NAF1: variants seen among roughly 807,000 people sequenced by gnomAD.
NAF1 encodes nuclear assembly factor 1 ribonucleoprotein.
Under a neutral mutation model 40.6 loss-of-function variants are expected in NAF1, and 11 were observed. That is an observed-to-expected ratio of 0.27 (90% CI 0.17 to 0.45). The LOEUF (loss-of-function observed/expected upper bound fraction) is 0.45, where lower values mean the gene tolerates loss of function less well. Ranked by LOEUF, NAF1 falls within the 20% of genes least tolerant of loss-of-function variation. The pLI, the probability that NAF1 is intolerant of heterozygous loss-of-function variation, is 1.00. For synonymous variants in NAF1, 260 were observed against 228.5 expected (o/e 1.14, Z -1.24); for missense variants, 607 against 611.1 (o/e 0.99, Z 0.07).
chr4:163,160,947 G>T (rs1200089330), intron 2 of NAF1, among the ~76,000 whole-genome samples: 1 of 147,202 alleles, frequency 6.8e-6, no homozygotes, highest in Admixed American at 6.9e-5. Flanking sequence ...GAACAAAATG[G>T]CACATACCAC....
At chr4:163,133,382 T>C (rs1730943714) in intron 6 of NAF1, 126 bp from the exon 7 acceptor site, 4 of 620,172 alleles carry the variant, frequency 6.4e-6, no homozygotes, top group South Asian at 2.4e-5. Context: ...GTCTTTTTGA[T>C]ACTTAATATT....
intron 2 of NAF1, among the ~76,000 whole-genome samples, chr4:163,116,810 C>T (rs1730352641): frequency 6.6e-6 from 1 of 152,142 alleles, no homozygotes; most frequent in Non-Finnish European, 1.5e-5. Context: ...AAAATATATC[C>T]CTTTTTTCAG....
intron 2 of NAF1, among the ~76,000 whole-genome samples, chr4:163,110,538 C>T (rs1363527869): frequency 6.6e-6 from 1 of 152,106 alleles, no homozygotes; most frequent in African/African-American, 2.4e-5. Context: ...TCCCCCAAGG[C>T]TCAGGGGGAG....
intron 2 of NAF1, among the ~76,000 whole-genome samples, chr4:163,153,272 C>A (rs1216861769): frequency 2.6e-5 from 4 of 152,220 alleles, no homozygotes; most frequent in Non-Finnish European, 5.9e-5. Context: ...ACCTGCAGCC[C>A]CGGTGCAGTG....
At chr4:163,129,467 G>C (rs1730787699) in intron 7 of NAF1, 119 bp from the exon 8 acceptor site, 1 of 1,067,214 alleles carries the variant, frequency 9.4e-7, no homozygotes, top group East Asian at 2.6e-5. Context: ...AGTTAAAAAA[G>C]TGTAAGACAT....
rs114881349 is a variant in NAF1 at position 163,162,771 on chromosome 4, T to C, written c.540+1446A>G. Among the ~76,000 whole-genome samples the C allele has an allele frequency of 1.9e-3, 285 of 152,290 alleles. 3 individuals are homozygous for C. The highest frequency in any genetic ancestry group is 6.3e-3 in the African/African-American group (263 of 41,550). Reference sequence around the variant, plus strand: ...ACACACTCATTCTATAATCATGTATTACTTTGGCCTGAGAACCCATTATCT... The same window carrying C: ...ACACACTCATTCTATAATCATGTATCACTTTGGCCTGAGAACCCATTATCT... On this transcript the variant is annotated intron_variant, in intron 2 of 7. Transcript: ENST00000274054.
At chr4:163,148,813 C>T (rs766269526) in intron 2 of NAF1, among the ~76,000 whole-genome samples, 12 of 152,116 alleles carry the variant, frequency 7.9e-5, no homozygotes, top group Non-Finnish European at 1.5e-4. Flanking sequence ...TATAATTTCT[C>T]CACATAAGTT....
At chr4:163,106,594 T>C (rs887259306), downstream of NAF1, among the ~76,000 whole-genome samples, 1 of 151,932 alleles carries the variant, frequency 6.6e-6, no homozygotes, top group Non-Finnish European at 1.5e-5. Context: ...GTCATTTTTT[T>C]ATTTCTGTAT....
chr4:163,152,386 A>G (rs1037635994), intron 2 of NAF1, among the ~76,000 whole-genome samples: 2 of 152,232 alleles, frequency 1.3e-5, no homozygotes, highest in Admixed American at 1.3e-4. Flanking sequence ...GTACTAGGAG[A>G]CATCCAGTAT....
chr4:163,104,097 G>T, the NAF1 span, among the ~76,000 whole-genome samples: 1 of 152,036 alleles, frequency 6.6e-6, no homozygotes, highest in African/African-American at 2.4e-5. Context: ...GGGTCCCAAG[G>T]TGCTCAGTGG....
downstream of NAF1, among the ~76,000 whole-genome samples, chr4:163,125,372 A>C (rs1219825392): frequency 6.6e-6 from 1 of 152,264 alleles, no homozygotes; most frequent in African/African-American, 2.4e-5. Flanking sequence ...AAGTTCTTAA[A>C]AGAAACTAAA....
downstream of NAF1, among the ~76,000 whole-genome samples, chr4:163,107,044 T>G (rs1579108618): frequency 6.6e-6 from 1 of 151,894 alleles, no homozygotes; most frequent in East Asian, 1.9e-4. Flanking sequence ...TGGAGTGCAG[T>G]GGTGCAATCT....
At chr4:163,117,716 CACGCAT>C (rs1160603059) in intron 2 of NAF1, among the ~76,000 whole-genome samples, 13 of 151,218 alleles carry the variant, frequency 8.6e-5, no homozygotes, top group Admixed American at 2.0e-4. Context: ...CACACACACA[CACGCAT>C]GAATACATCA....
chr4:163,132,096 C>T (rs1730897482), intron 7 of NAF1, among the ~76,000 whole-genome samples: 7 of 152,168 alleles, frequency 4.6e-5, no homozygotes, highest in Admixed American at 4.6e-4. Context: ...GAAATTGTCA[C>T]TCATACATCG....
At chr4:163,104,094 A>C in the NAF1 span, among the ~76,000 whole-genome samples, 2 of 152,224 alleles carry the variant, frequency 1.3e-5, no homozygotes, top group African/African-American at 2.4e-5. Context: ...TGGGGGTCCC[A>C]AGGTGCTCAG....
At chr4:163,140,422 ATAAC>A (rs769234108) in intron 4 of NAF1, 39 bp from the exon 5 acceptor site, 1 of 1,532,216 alleles carries the variant, frequency 6.5e-7, no homozygotes, top group Admixed American at 2.1e-5. Context: ...AACATGTAAA[ATAAC>A]TATTTGAAAA....
At chr4:163,113,687 A>T (rs1180120472) in intron 2 of NAF1, among the ~76,000 whole-genome samples, 1 of 152,176 alleles carries the variant, frequency 6.6e-6, no homozygotes, top group African/African-American at 2.4e-5. Flanking sequence ...AAAGCCATGA[A>T]CTCATCTTTT....
At chr4:163,116,292 C>T (rs181418401) in intron 2 of NAF1, among the ~76,000 whole-genome samples, 139 of 152,224 alleles carry the variant, frequency 9.1e-4, no homozygotes, top group African/African-American at 3.1e-3. Context: ...ACTGCTACCA[C>T]AAGTGTCCTT....
At chr4:163,133,905 G>A (rs915617473) in intron 6 of NAF1, among the ~76,000 whole-genome samples, 33 of 152,068 alleles carry the variant, frequency 2.2e-4, no homozygotes, top group Admixed American at 3.3e-4. Context: ...AGCCTCCTGA[G>A]TAGCTGGGAT....
Sources: gnomAD v4.1 joint callset for allele counts (sites outside exome capture counted in the v4.1 genomes callset) on GRCh38, gnomAD v4.1.1 for gene constraint, MANE v1.5 for transcripts, NCBI Gene and HGNC (gene_info 2026-07-23, HGNC 2026-07-21) for gene names.